Variants in HSD17B11 observed in about 807,000 individuals in gnomAD.
HSD17B11 encodes estradiol 17-beta-dehydrogenase 11.
A neutral mutation model predicts 27.8 loss-of-function variants in HSD17B11; 22 were observed. That is an observed-to-expected ratio of 0.79 (90% CI 0.56 to 1.13). The LOEUF (loss-of-function observed/expected upper bound fraction) is 1.13, where lower values mean the gene tolerates loss of function less well. Among genes scored for constraint, HSD17B11 ranks in the 50% most tolerant of loss-of-function variants. HSD17B11 has a pLI of 0.00. For missense variants in HSD17B11, 314 were observed against 351.1 expected (o/e 0.89, Z 0.84); for synonymous variants, 117 against 132.8 (o/e 0.88, Z 0.82).
intron 6 of HSD17B11, among the ~76,000 whole-genome samples, chr4:87,337,637 C>A (rs1480361968): frequency 6.6e-6 from 1 of 152,004 alleles, no homozygotes; most frequent in African/African-American, 2.4e-5. Flanking sequence ...GGTGTAAGAA[C>A]TGAAGAGTTG....
chr4:87,380,447 T>G (rs1578046497), intron 2 of HSD17B11, among the ~76,000 whole-genome samples: 1 of 119,454 alleles, frequency 8.4e-6, no homozygotes, highest in South Asian at 2.6e-4. Flanking sequence ...CACTGCAGCC[T>G]GGGCAACAGA....
At chr4:87,372,328 C>A (rs1735733070) in intron 4 of HSD17B11, among the ~76,000 whole-genome samples, 1 of 150,918 alleles carries the variant, frequency 6.6e-6, no homozygotes, top group African/African-American at 2.4e-5. Context: ...CAAAAATTTA[C>A]CCATTTTTAT....
intron 4 of HSD17B11, among the ~76,000 whole-genome samples, chr4:87,359,476 C>T (rs2110118466): frequency 6.6e-6 from 1 of 152,276 alleles, no homozygotes; most frequent in South Asian, 2.1e-4. Flanking sequence ...ATCCTATCAC[C>T]TCAGCCTCCC....
At chr4:87,363,747 C>G (rs963538912) in intron 4 of HSD17B11, among the ~76,000 whole-genome samples, 1 of 152,174 alleles carries the variant, frequency 6.6e-6, no homozygotes, top group African/African-American at 2.4e-5. Context: ...AGACACTGCC[C>G]AGACCTGTAG....
intron 5 of HSD17B11, among the ~76,000 whole-genome samples, chr4:87,346,200 C>T (rs771383862): frequency 5.9e-5 from 9 of 152,194 alleles, no homozygotes; most frequent in South Asian, 2.1e-4. Context: ...GTATCAAAAA[C>T]GCATTTGACA....
chr4:87,388,180 AC>A (rs1343776086), intron 1 of HSD17B11, among the ~76,000 whole-genome samples: 12 of 151,916 alleles, frequency 7.9e-5, no homozygotes, highest in East Asian at 3.9e-4. Context: ...AAAAAAAAAA[AC>A]AATCTAGTGG....
At chr4:87,381,396 C>T (rs1328773109) in intron 2 of HSD17B11, among the ~76,000 whole-genome samples, 4 of 152,014 alleles carry the variant, frequency 2.6e-5, no homozygotes, top group African/African-American at 7.2e-5. Context: ...AGCGAGAATG[C>T]GTTCAGAGTG....
At chr4:87,384,282 T>TCA (rs1371586206) in intron 1 of HSD17B11, among the ~76,000 whole-genome samples, 1 of 152,218 alleles carries the variant, frequency 6.6e-6, no homozygotes, top group African/African-American at 2.4e-5. Context: ...AGGATGTACG[T>TCA]CACCTCAGGA....
chr4:87,388,424 G>A (rs1720374340), intron 1 of HSD17B11, among the ~76,000 whole-genome samples: 2 of 152,168 alleles, frequency 1.3e-5, no homozygotes, highest in Admixed American at 6.5e-5. Context: ...AGTAGATCTA[G>A]ACCTTTCTTG....
chr4:87,363,230 C>T (rs1432469965), intron 4 of HSD17B11, among the ~76,000 whole-genome samples: 2 of 152,120 alleles, frequency 1.3e-5, no homozygotes, highest in South Asian at 2.1e-4. Context: ...GCCTGGCATG[C>T]CAGCAAAAGG....
intron 4 of HSD17B11, among the ~76,000 whole-genome samples, chr4:87,371,754 G>A (rs1395416902): frequency 6.6e-6 from 1 of 152,230 alleles, no homozygotes; most frequent in Non-Finnish European, 1.5e-5. Context: ...AGAGCTGGCT[G>A]AGTTGAAGAT....
At chr4:87,373,265 G>A (rs539691046) in intron 3 of HSD17B11, 58 of 157,400 alleles carry the variant, frequency 3.7e-4, no homozygotes, top group African/African-American at 1.0e-3. Flanking sequence ...ACTTGAACCC[G>A]GGAGGCAGAG....
rs546074928 is a variant in HSD17B11, at chr4:87,380,685, G to T, written c.318+1570C>A. 2.5e-3 allele frequency among the ~76,000 whole-genome samples: 374 copies of T among 149,522 alleles called. 4 individuals carry two copies. Among genetic ancestry groups the T allele is most frequent in the African/African-American group, 8.7e-3 (354 of 40,666 alleles). On this transcript the variant is annotated intron_variant, in intron 2 of 6. Coordinates refer to ENST00000358290, the MANE Select transcript of HSD17B11 (RefSeq NM_016245.5). Reference sequence around the variant, plus strand: ...ATCCTGGCTAACACGGTGAAATCCCGTCTCTACTAAAAATACAAAAAAATT... The same window carrying T: ...ATCCTGGCTAACACGGTGAAATCCCTTCTCTACTAAAAATACAAAAAAATT...
chr4:87,339,798 T>TG (rs1481135588), intron 6 of HSD17B11, among the ~76,000 whole-genome samples: 1 of 152,224 alleles, frequency 6.6e-6, no homozygotes, highest in African/African-American at 2.4e-5. Context: ...AATCAGAATT[T>TG]GGGGGAGTTG....
intron 3 of HSD17B11, among the ~76,000 whole-genome samples, chr4:87,373,809 C>T (rs1389980462): frequency 7.8e-6 from 1 of 128,736 alleles, no homozygotes; most frequent in Non-Finnish European, 1.6e-5. Flanking sequence ...AATAACACTG[C>T]ATTTTTATAA....
chr4:87,371,259 A>G (rs541992736), intron 4 of HSD17B11, among the ~76,000 whole-genome samples: 1 of 152,354 alleles, frequency 6.6e-6, no homozygotes, highest in Non-Finnish European at 1.5e-5. Flanking sequence ...GTCTGGTCAC[A>G]TGATACAACA....
At chr4:87,377,023 G>A (rs887880808) in intron 2 of HSD17B11, among the ~76,000 whole-genome samples, 2 of 152,138 alleles carry the variant, frequency 1.3e-5, no homozygotes, top group Admixed American at 6.5e-5. Flanking sequence ...CCAGCTACTC[G>A]GAAGGTTGAA....
At chr4:87,354,661 A>T (rs2110116108) in intron 5 of HSD17B11, among the ~76,000 whole-genome samples, 1 of 150,254 alleles carries the variant, frequency 6.7e-6, no homozygotes, top group South Asian at 2.1e-4. Context: ...TAAAAAAAAT[A>T]AAAAAAGGAA....
chr4:87,384,499 A>G (rs1249285272), intron 1 of HSD17B11, among the ~76,000 whole-genome samples: 2 of 152,200 alleles, frequency 1.3e-5, no homozygotes, highest in African/African-American at 4.8e-5. Flanking sequence ...ACGGATGTGC[A>G]AGTAGGAGAG....
Sources: gnomAD v4.1 joint callset for allele counts (sites outside exome capture counted in the v4.1 genomes callset) on GRCh38, gnomAD v4.1.1 for gene constraint, MANE v1.5 for transcripts, NCBI Gene and HGNC (gene_info 2026-07-23, HGNC 2026-07-21) for gene names.